FALEC: variants seen among roughly 807,000 people sequenced by gnomAD.
FALEC encodes the protein focally amplified lncRNA regulator of ECM1, also known as focally amplified lncRNA on chromosome 1.
chr1:150,528,071 G>A, the FALEC span, among the ~76,000 whole-genome samples: 14 of 152,028 alleles, frequency 9.2e-5, no homozygotes, highest in African/African-American at 2.7e-4. Context: ...CTTCCTCTTC[G>A]CCTATCCGGG....
downstream of FALEC, among the ~76,000 whole-genome samples, chr1:150,522,901 A>ACGTG (rs1670667558): frequency 1.5e-5 from 1 of 67,456 alleles, no homozygotes; most frequent in African/African-American, 5.9e-5. Context: ...ATATATATAT[A>ACGTG]TACATATATA....
At chr1:150,521,204 A>G (rs1401133339), downstream of FALEC, among the ~76,000 whole-genome samples, 1 of 152,240 alleles carries the variant, frequency 6.6e-6, no homozygotes, top group Non-Finnish European at 1.5e-5. Flanking sequence ...CAAATATGCT[A>G]TTATAAAAAT....
chr1:150,535,973 GGGGAAA>G, the FALEC span, among the ~76,000 whole-genome samples: 1 of 152,192 alleles, frequency 6.6e-6, no homozygotes, highest in South Asian at 2.1e-4. Context: ...CAGGCCCTGT[GGGGAAA>G]CCAAGATATG....
the FALEC span, among the ~76,000 whole-genome samples, chr1:150,532,260 G>A: frequency 6.6e-6 from 1 of 152,050 alleles, no homozygotes; most frequent in African/African-American, 2.4e-5. Context: ...ACCCAGGAAC[G>A]AAAGCGCAGG....
the FALEC span, among the ~76,000 whole-genome samples, chr1:150,528,031 T>C: frequency 6.6e-6 from 1 of 152,104 alleles, no homozygotes; most frequent in Admixed American, 6.6e-5. Context: ...GAAGAAATCA[T>C]GATTGGTCTA....
the FALEC span, among the ~76,000 whole-genome samples, chr1:150,533,517 C>G: frequency 6.9e-6 from 1 of 143,962 alleles, no homozygotes; most frequent in African/African-American, 2.6e-5. Context: ...CTCACTGCAA[C>G]CTCCGCCTCC....
At chr1:150,535,760 C>T in the FALEC span, among the ~76,000 whole-genome samples, 11 of 152,246 alleles carry the variant, frequency 7.2e-5, no homozygotes, top group African/African-American at 2.4e-4. Flanking sequence ...TGGAGCTGCT[C>T]GTAAACAAAA....
downstream of FALEC, among the ~76,000 whole-genome samples, chr1:150,522,957 A>G (rs1291817190): frequency 1.2e-3 from 29 of 23,450 alleles, 1 homozygote; most frequent in South Asian, 3.6e-3. Flanking sequence ...GTGTATATAT[A>G]TATATATATA....
At chr1:150,522,854 T>TATATACATATATATAC (rs1560270587), downstream of FALEC, among the ~76,000 whole-genome samples, 1,109 of 95,752 alleles carry the variant, frequency 0.012, 61 homozygotes, top group Non-Finnish European at 0.018. Context: ...TCTCTCTCTA[T>TATATACATATATATAC]ATATATATAT....
chr1:150,521,946 T>C (rs1362773114), downstream of FALEC, among the ~76,000 whole-genome samples: 1 of 152,140 alleles, frequency 6.6e-6, no homozygotes, highest in African/African-American at 2.4e-5. Flanking sequence ...TAAGTAAGTC[T>C]TAAAAATGGA....
downstream of FALEC, among the ~76,000 whole-genome samples, chr1:150,522,966 TATATATATATATATATA>T (rs1670673787): frequency 4.6e-5 from 2 of 43,644 alleles, no homozygotes; most frequent in African/African-American, 2.1e-4. Flanking sequence ...TATATATATA[TATATATATATATATATA>T]TTTTTTTTTT....
downstream of FALEC, among the ~76,000 whole-genome samples, chr1:150,522,244 CAAAAAAA>C (rs60709164): frequency 5.9e-5 from 7 of 119,060 alleles, no homozygotes; most frequent in Admixed American, 1.7e-4. Flanking sequence ...GAGACTGTCT[CAAAAAAA>C]AAAAAAAAAG....
downstream of FALEC, among the ~76,000 whole-genome samples, chr1:150,519,213 C>A (rs1339054042): frequency 6.6e-6 from 1 of 152,146 alleles, no homozygotes; most frequent in African/African-American, 2.4e-5. Context: ...GCCCTCCTCC[C>A]GTGCCCATGA....
chr1:150,524,259 C>T, the FALEC span, among the ~76,000 whole-genome samples: 1 of 152,122 alleles, frequency 6.6e-6, no homozygotes, highest in Admixed American at 6.5e-5. Flanking sequence ...AAGAGACACT[C>T]TCACCTTAGC....
chr1:150,533,430 C>CTTTTTTTTTTT, the FALEC span, among the ~76,000 whole-genome samples: 1 of 97,672 alleles, frequency 1.0e-5, no homozygotes, highest in Non-Finnish European at 1.9e-5. Context: ...AGAACCAGAG[C>CTTTTTTTTTTT]TTTTTTTTTT....
chr1:150,520,611 C>T (rs587670787), downstream of FALEC, among the ~76,000 whole-genome samples: 3 of 152,142 alleles, frequency 2.0e-5, no homozygotes, highest in African/African-American at 7.2e-5. Context: ...TCGTTTTCAT[C>T]TTTCAACTAT....
downstream of FALEC, among the ~76,000 whole-genome samples, chr1:150,522,461 A>G (rs1424971274): frequency 6.6e-6 from 1 of 151,816 alleles, no homozygotes; most frequent in Non-Finnish European, 1.5e-5. Context: ...TGTCTCTACT[A>G]AAAATACAAA....
the FALEC span, among the ~76,000 whole-genome samples, chr1:150,534,402 A>G: frequency 6.6e-6 from 1 of 152,182 alleles, no homozygotes; most frequent in African/African-American, 2.4e-5. Context: ...TGGCCCCAAC[A>G]GGATCGCTTT....
chr1:150,534,008 G>T, the FALEC span, among the ~76,000 whole-genome samples: 1 of 152,234 alleles, frequency 6.6e-6, no homozygotes, highest in Non-Finnish European at 1.5e-5. Context: ...CAAGGATGGC[G>T]TGGGGAGAAA....
Sources: allele counts gnomAD v4.1 joint callset (sites outside exome capture counted in the v4.1 genomes callset), GRCh38; gene constraint gnomAD v4.1.1; transcripts MANE v1.5; gene names NCBI Gene and HGNC (gene_info 2026-07-23, HGNC 2026-07-21).